The following RSU1 variants were observed in gnomAD, a reference collection of about 807,000 sequenced individuals.
The protein encoded by RSU1 is rsu-1.
A neutral mutation model predicts 31.1 loss-of-function variants in RSU1; 26 were observed. That is an observed-to-expected ratio of 0.84 (90% CI 0.61 to 1.16). The LOEUF (loss-of-function observed/expected upper bound fraction) is 1.16. RSU1 is among the 50% of genes most tolerant of loss of function. The probability of loss-of-function intolerance (pLI) is 0.00; values close to 1 mark genes in which losing one functional copy is unlikely to be tolerated. For synonymous variants in RSU1, 164 were observed against 136.3 expected (o/e 1.20, Z -1.41); for missense variants, 320 against 339.1 (o/e 0.94, Z 0.44).
At chr10:16,669,994 T>A (rs1368538392) in intron 8 of RSU1, among the ~76,000 whole-genome samples, 2 of 152,242 alleles carry the variant, frequency 1.3e-5, no homozygotes, top group African/African-American at 4.8e-5. Flanking sequence ...GAGGAGTTCA[T>A]AGAAACTGTA....
At chr10:16,707,115 T>C (rs1005392737) in intron 7 of RSU1, among the ~76,000 whole-genome samples, 4 of 152,206 alleles carry the variant, frequency 2.6e-5, no homozygotes, top group Non-Finnish European at 5.9e-5. Flanking sequence ...CCATTATGTA[T>C]ATATACATTT....
intron 2 of RSU1, among the ~76,000 whole-genome samples, chr10:16,797,856 CTTTTTTT>C (rs766748303): frequency 3.9e-5 from 4 of 103,506 alleles, no homozygotes; most frequent in Non-Finnish European, 8.1e-5. Context: ...GGGATTTCTT[CTTTTTTT>C]TTTTTTTTTT....
chr10:16,813,926 G>A (rs1838466554), intron 2 of RSU1, among the ~76,000 whole-genome samples: 2 of 152,102 alleles, frequency 1.3e-5, no homozygotes, highest in African/African-American at 2.4e-5. Flanking sequence ...AACTCTCCCA[G>A]GAAGAAAGAC....
At chr10:16,802,016 T>C (rs1202755825) in intron 2 of RSU1, among the ~76,000 whole-genome samples, 2 of 151,622 alleles carry the variant, frequency 1.3e-5, no homozygotes, top group Non-Finnish European at 2.9e-5. Context: ...ACTTCTACCC[T>C]AGAAAACAAG....
intron 8 of RSU1, among the ~76,000 whole-genome samples, chr10:16,625,450 A>G (rs749011392): frequency 5.9e-5 from 9 of 152,212 alleles, no homozygotes; most frequent in African/African-American, 1.7e-4. Context: ...ATTCACTGAA[A>G]GAAGCAAAGC....
At chr10:16,640,368 G>C (rs183847859) in intron 8 of RSU1, among the ~76,000 whole-genome samples, 33 of 152,182 alleles carry the variant, frequency 2.2e-4, no homozygotes, top group Admixed American at 1.8e-3. Flanking sequence ...CCTGGTCTGA[G>C]TTTCCACTGT....
chr10:16,732,852 T>C (rs1321872331), intron 7 of RSU1, among the ~76,000 whole-genome samples: 2 of 152,168 alleles, frequency 1.3e-5, no homozygotes, highest in Non-Finnish European at 2.9e-5. Flanking sequence ...AAGAATTTAA[T>C]AAACATTTCA....
intron 8 of RSU1, among the ~76,000 whole-genome samples, chr10:16,617,260 T>C (rs1023195298): frequency 6.6e-6 from 1 of 152,200 alleles, no homozygotes; most frequent in African/African-American, 2.4e-5. Flanking sequence ...ATAAAATACC[T>C]AGGAATCCAC....
chr10:16,672,300 ACT>A (rs1489937010), intron 8 of RSU1, among the ~76,000 whole-genome samples: 3 of 151,610 alleles, frequency 2.0e-5, no homozygotes, highest in South Asian at 4.2e-4. Context: ...ACAGGGCAAG[ACT>A]CTGTCTCAAA....
intron 8 of RSU1, among the ~76,000 whole-genome samples, chr10:16,613,978 T>C (rs1219977347): frequency 2.0e-5 from 3 of 151,998 alleles, no homozygotes; most frequent in Non-Finnish European, 4.4e-5. Context: ...AACTACTGGG[T>C]CGGATTCAGG....
At chr10:16,745,317 G>A (rs930472107) in intron 7 of RSU1, among the ~76,000 whole-genome samples, 1 of 152,176 alleles carries the variant, frequency 6.6e-6, no homozygotes, top group African/African-American at 2.4e-5. Flanking sequence ...ACCAGGAGGT[G>A]GGAGCTGTTA....
At chr10:16,649,401 A>C (rs1044015897) in intron 8 of RSU1, among the ~76,000 whole-genome samples, 1 of 152,214 alleles carries the variant, frequency 6.6e-6, no homozygotes, top group Non-Finnish European at 1.5e-5. Context: ...AAATCTTATC[A>C]GTCTTTAAAA....
At chr10:16,722,665 G>A (rs541974956) in intron 7 of RSU1, among the ~76,000 whole-genome samples, 1 of 152,202 alleles carries the variant, frequency 6.6e-6, no homozygotes, top group Admixed American at 6.5e-5. Flanking sequence ...AGCATTTACA[G>A]AAGGGCCAAA....
intron 7 of RSU1, among the ~76,000 whole-genome samples, chr10:16,747,775 G>A (rs907469120): frequency 6.6e-6 from 1 of 152,224 alleles, no homozygotes; most frequent in Non-Finnish European, 1.5e-5. Flanking sequence ...GCTCATGCCT[G>A]TAATCCCAGT....
chr10:16,807,886 G>C (rs551031935), intron 2 of RSU1, among the ~76,000 whole-genome samples: 1 of 152,212 alleles, frequency 6.6e-6, no homozygotes, highest in East Asian at 1.9e-4. Flanking sequence ...AGCCGGGCTT[G>C]GTGGCGGGTG....
At chr10:16,601,409 A>C (rs978281834) in intron 8 of RSU1, among the ~76,000 whole-genome samples, 17 of 152,348 alleles carry the variant, frequency 1.1e-4, no homozygotes, top group African/African-American at 3.8e-4. Flanking sequence ...TTCGGCAGAA[A>C]GGGACCACAG....
chr10:16,697,636 C>A (rs1174479814), intron 7 of RSU1, among the ~76,000 whole-genome samples: 1 of 150,706 alleles, frequency 6.6e-6, no homozygotes, highest in Non-Finnish European at 1.5e-5. Context: ...TGCACTCCAG[C>A]CTGGGTAACA....
At chr10:16,720,867 G>C (rs560513455) in intron 7 of RSU1, among the ~76,000 whole-genome samples, 1 of 152,236 alleles carries the variant, frequency 6.6e-6, no homozygotes, top group African/African-American at 2.4e-5. Flanking sequence ...ACTCCTGTGG[G>C]CCCAACTGCT....
At chr10:16,779,348 C>T (rs970735677) in intron 3 of RSU1, among the ~76,000 whole-genome samples, 13 of 152,230 alleles carry the variant, frequency 8.5e-5, no homozygotes, top group Admixed American at 3.3e-4. Context: ...ATCCCACTTT[C>T]AGCTTCCTTG....
Sources: allele counts gnomAD v4.1 joint callset (sites outside exome capture counted in the v4.1 genomes callset), GRCh38; gene constraint gnomAD v4.1.1; transcripts MANE v1.5; gene names NCBI Gene and HGNC (gene_info 2026-07-23, HGNC 2026-07-21).